AGMO: variants seen among roughly 807,000 people sequenced by gnomAD.
AGMO encodes glyceryl-ether monooxygenase.
A neutral mutation model predicts 60.2 loss-of-function variants in AGMO; 75 were observed. The observed-to-expected ratio is 1.25, with a 90% confidence interval of 1.03 to 1.51. The LOEUF (loss-of-function observed/expected upper bound fraction) is 1.51, where lower values mean the gene tolerates loss of function less well. Among genes scored for constraint, AGMO ranks in the 40% most tolerant of loss-of-function variants. The probability of loss-of-function intolerance (pLI) is 0.00; values close to 1 mark genes in which losing one functional copy is unlikely to be tolerated. For missense variants in AGMO, 763 were observed against 525.5 expected (o/e 1.45, Z -4.42); for synonymous variants, 261 against 177.1 (o/e 1.47, Z -3.76).
chr7:15,387,657 C>T lies in AGMO; in HGVS notation c.823-117G>A, dbSNP rs530547023. ...TAATTTACGTATTTAAAACGTTATG[C>T]CTGATTAGAGCAACAGAAATGTGTA... On this transcript the variant is annotated intron_variant, in intron 8 of 12. Transcript: ENST00000342526. 326 of 842,838 alleles carry T rather than the reference C, an allele frequency of 3.9e-4. 1 individual carries two copies. The East Asian group carries it at 8.4e-3, about 22-fold the overall frequency. The allele number at this position is 842,838 out of a possible 1,614,324, so 52.2% of individuals were successfully genotyped here. A position where few individuals can be genotyped will look rare whatever the true frequency, so the allele number is the denominator to read the frequency against.
intron 3 of AGMO, among the ~76,000 whole-genome samples, chr7:15,510,845 G>C (rs188900402): frequency 1.4e-5 from 2 of 147,484 alleles, no homozygotes; most frequent in African/African-American, 4.9e-5. Context: ...ATAAACAAGA[G>C]TTTATATTAT....
chr7:15,196,066 C>CAA (rs1049304144), downstream of AGMO, among the ~76,000 whole-genome samples: 1 of 151,586 alleles, frequency 6.6e-6, no homozygotes, highest in Non-Finnish European at 1.5e-5. Flanking sequence ...TCCTTTTTGA[C>CAA]AGAGTCTCGC....
intron 10 of AGMO, among the ~76,000 whole-genome samples, chr7:15,374,336 C>G (rs576221435): frequency 6.1e-4 from 93 of 152,030 alleles, no homozygotes; most frequent in African/African-American, 2.1e-3. Flanking sequence ...AAGAAGCAAA[C>G]ATAATAAATA....
At chr7:15,258,486 A>G (rs1783168233) in intron 12 of AGMO, among the ~76,000 whole-genome samples, 2 of 152,038 alleles carry the variant, frequency 1.3e-5, no homozygotes, top group Non-Finnish European at 2.9e-5. Context: ...CGGAGCTTGC[A>G]GTGAGCCGAG....
chr7:15,484,129 C>T (rs954784650), intron 3 of AGMO, among the ~76,000 whole-genome samples: 2 of 151,926 alleles, frequency 1.3e-5, no homozygotes, highest in African/African-American at 4.8e-5. Context: ...AATGATTGCA[C>T]CACTTTATAT....
At chr7:15,295,739 A>G (rs1255890355) in intron 12 of AGMO, among the ~76,000 whole-genome samples, 2 of 152,106 alleles carry the variant, frequency 1.3e-5, no homozygotes, top group Non-Finnish European at 2.9e-5. Context: ...AATGTTCATA[A>G]CCCTTGACTC....
chr7:15,166,440 G>A, the AGMO span, among the ~76,000 whole-genome samples: 1 of 152,180 alleles, frequency 6.6e-6, no homozygotes, highest in Non-Finnish European at 1.5e-5. Flanking sequence ...TAAAGGAGGA[G>A]TCAGAGAGGA....
chr7:15,474,982 C>G (rs1165863234), intron 3 of AGMO, among the ~76,000 whole-genome samples: 1 of 151,962 alleles, frequency 6.6e-6, no homozygotes, highest in Non-Finnish European at 1.5e-5. Flanking sequence ...CAAATCAAAA[C>G]CACAATGAGA....
intron 12 of AGMO, among the ~76,000 whole-genome samples, chr7:15,202,435 C>G (rs1781315433): frequency 1.1e-5 from 1 of 95,144 alleles, no homozygotes; most frequent in Non-Finnish European, 2.0e-5. Context: ...AAAAACATCA[C>G]CAACAACCAA....
chr7:15,330,512 T>C (rs774832174), intron 12 of AGMO, among the ~76,000 whole-genome samples: 9 of 152,164 alleles, frequency 5.9e-5, no homozygotes, highest in Non-Finnish European at 1.2e-4. Context: ...TCATCATTTT[T>C]GGATTTGTGT....
At chr7:15,550,802 C>A (rs1341853936) in intron 2 of AGMO, among the ~76,000 whole-genome samples, 1 of 139,506 alleles carries the variant, frequency 7.2e-6, no homozygotes, top group Non-Finnish European at 1.5e-5. Flanking sequence ...AGGGAATCCT[C>A]CCTAACTCAT....
chr7:15,287,434 A>T (rs535268542), intron 12 of AGMO, among the ~76,000 whole-genome samples: 1 of 152,164 alleles, frequency 6.6e-6, no homozygotes, highest in Non-Finnish European at 1.5e-5. Flanking sequence ...TACCCTGTTC[A>T]AGAATATAAA....
chr7:15,458,553 T>A (rs1036286639), intron 3 of AGMO, among the ~76,000 whole-genome samples: 4 of 152,206 alleles, frequency 2.6e-5, no homozygotes, highest in African/African-American at 4.8e-5. Context: ...CACTTTATGA[T>A]AGGAATCATT....
At chr7:15,353,166 A>C (rs1782321952) in intron 12 of AGMO, among the ~76,000 whole-genome samples, 1 of 152,116 alleles carries the variant, frequency 6.6e-6, no homozygotes, top group African/African-American at 2.4e-5. Flanking sequence ...CTTAGGAGTA[A>C]ATGATGTTTA....
intron 3 of AGMO, among the ~76,000 whole-genome samples, chr7:15,459,426 G>A (rs891240515): frequency 1.3e-5 from 2 of 152,128 alleles, no homozygotes; most frequent in African/African-American, 4.8e-5. Flanking sequence ...ATGCTGAGAG[G>A]GAGGGAAGAG....
chr7:15,386,406 G>A (rs1783916381), intron 9 of AGMO, among the ~76,000 whole-genome samples: 1 of 151,898 alleles, frequency 6.6e-6, no homozygotes, highest in Admixed American at 6.6e-5. Flanking sequence ...TTAAAATACT[G>A]TACTCACTTT....
At chr7:15,429,025 C>T (rs1383355311) in intron 4 of AGMO, among the ~76,000 whole-genome samples, 16 of 152,008 alleles carry the variant, frequency 1.1e-4, no homozygotes, top group African/African-American at 1.2e-4. Context: ...TGTTTTCCCC[C>T]CATTAACTGC....
chr7:15,468,070 C>A (rs146930187), intron 3 of AGMO, among the ~76,000 whole-genome samples: 460 of 152,292 alleles, frequency 3.0e-3, no homozygotes, highest in Non-Finnish European at 4.1e-3. Flanking sequence ...TCTCCTCCCA[C>A]TTCTTGACTG....
the AGMO span, among the ~76,000 whole-genome samples, chr7:15,158,068 G>T: frequency 1.3e-5 from 2 of 152,008 alleles, no homozygotes; most frequent in South Asian, 4.1e-4. Context: ...TATATTTTAT[G>T]ACTGTATTGA....
Sources: gnomAD v4.1 joint callset for allele counts (sites outside exome capture counted in the v4.1 genomes callset) on GRCh38, gnomAD v4.1.1 for gene constraint, MANE v1.5 for transcripts, NCBI Gene and HGNC (gene_info 2026-07-23, HGNC 2026-07-21) for gene names.